Variants in MED13 observed in about 807,000 individuals in gnomAD.
MED13 encodes mediator complex subunit 13, also known as mediator of RNA polymerase II transcription subunit 13.
Under a neutral mutation model 225.2 loss-of-function variants are expected in MED13, and 23 were observed. That is an observed-to-expected ratio of 0.10 (90% CI 0.07 to 0.14). The LOEUF is 0.14. MED13 is among the 10% of genes least tolerant of loss of function. The pLI is 1.00. For synonymous variants in MED13, 942 were observed against 889.2 expected (o/e 1.06, Z -1.06); for missense variants, 2,197 against 2,594.5 (o/e 0.85, Z 3.33).
At chr17:62,021,444 G>A (rs1313212844) in intron 8 of MED13, among the ~76,000 whole-genome samples, 2 of 143,214 alleles carry the variant, frequency 1.4e-5, no homozygotes, top group Non-Finnish European at 3.1e-5. Context: ...CCTCCCGGAC[G>A]GGGCGGCTGG....
At chr17:61,951,881 A>G (rs1393893145) in intron 27 of MED13, among the ~76,000 whole-genome samples, 1 of 152,104 alleles carries the variant, frequency 6.6e-6, no homozygotes, top group Admixed American at 6.6e-5. Flanking sequence ...CAATAATCAA[A>G]TCACCAGTAT....
intron 8 of MED13, among the ~76,000 whole-genome samples, chr17:62,014,488 TG>T (rs2080543987): frequency 6.6e-6 from 1 of 152,012 alleles, no homozygotes; most frequent in Non-Finnish European, 1.5e-5. Flanking sequence ...GGCTGATTTT[TG>T]TATTTTCAGT....
chr17:62,040,821 A>G (rs540694199), intron 3 of MED13, among the ~76,000 whole-genome samples: 1 of 152,318 alleles, frequency 6.6e-6, no homozygotes, highest in East Asian at 1.9e-4. Context: ...ATGCAAACCA[A>G]AAACACAGTA....
chr17:61,947,194 GT>G (rs375146013), intron 28 of MED13, among the ~76,000 whole-genome samples, 177 bp from the exon 29 acceptor site: 1,345 of 127,690 alleles, frequency 0.011, 7 homozygotes, highest in African/African-American at 0.026. Flanking sequence ...TTATAGAAAT[GT>G]TTTTTTTTTT....
rs768017203 is a variant in MED13 at position 62,010,902 on chromosome 17, G to C, written c.1615C>G (p.His539Asp). 3 of 1,613,928 alleles carry C rather than the reference G, an allele frequency of 1.9e-6. No individual in the cohort carries two copies. The highest frequency in any genetic ancestry group is 2.5e-6 in the Non-Finnish European group (3 of 1,179,826). The change falls in exon 9 of 30, where the codon CAC (histidine) becomes GAC (aspartate). Residue 539 changes from histidine to aspartate, a missense_variant. Physicochemically the swap from His to Asp is moderately conservative, Grantham distance 81. Transcript: ENST00000397786. ...CCTTCATCAACCACATCACAAGGGT[G>C]AGGACTAAGTGGGGGTGGTTGAGGT... ...NSPQPPPLSPHPCDVVDEGVT... is the reference protein window; with the variant it reads ...NSPQPPPLSPDPCDVVDEGVT...
chr17:62,032,405 TG>T (rs1164358714), intron 5 of MED13: 3 of 135,510 alleles, frequency 2.2e-5, no homozygotes, highest in Non-Finnish European at 4.6e-5. Flanking sequence ...GCCCGGGAGG[TG>T]GAGGTTGCAG....
intron 17 of MED13, among the ~76,000 whole-genome samples, chr17:61,969,121 C>T (rs1039833538): frequency 1.8e-4 from 27 of 152,132 alleles, no homozygotes; most frequent in African/African-American, 6.0e-4. Context: ...TTTGGGAGGC[C>T]GAGGTGGGCA....
chr17:62,062,737 T>A (rs965322810), intron 2 of MED13, among the ~76,000 whole-genome samples: 2 of 152,140 alleles, frequency 1.3e-5, no homozygotes, highest in Non-Finnish European at 2.9e-5. Context: ...TTCTAAACTA[T>A]TACACGACTT....
chr17:61,961,655 G>T lies in MED13; in HGVS notation c.5189C>A (p.Thr1730Asn), dbSNP rs1158783703. 6.2e-7 allele frequency: 1 copy of T among 1,613,958 alleles called. No individual in the cohort carries two copies. Among genetic ancestry groups the T allele is most frequent in the Non-Finnish European group, 8.5e-7 (1 of 1,180,020 alleles). ...TQCRRPLPTS[T>N]NVKTLTGFGP... ...AAAGCCAGTCAATGTTTTCACATTG[G>T]TTGATGTTGGAAGTGGCCTCCGACA... Residue 1730 changes from threonine to asparagine, a missense_variant, in exon 22 of 30, where the codon ACC (threonine) becomes AAC (asparagine). Transcript: ENST00000397786.
chr17:62,049,436 ATAAC>A (rs1432484349), intron 3 of MED13, among the ~76,000 whole-genome samples: 1 of 152,204 alleles, frequency 6.6e-6, no homozygotes, highest in East Asian at 1.9e-4. Context: ...TGTCTCTATC[ATAAC>A]TATTTAACTC....
chr17:62,016,098 C>T (rs1447192753), intron 8 of MED13, among the ~76,000 whole-genome samples: 2 of 143,774 alleles, frequency 1.4e-5, no homozygotes, highest in African/African-American at 5.2e-5. Flanking sequence ...GCCACTCACC[C>T]AGCCTGAACT....
At chr17:62,008,016 C>CAAAAAAAAAAAAAAAAAAAAAAA (rs60236710) in intron 9 of MED13, among the ~76,000 whole-genome samples, 10 of 50,504 alleles carry the variant, frequency 2.0e-4, no homozygotes, top group African/African-American at 6.8e-4. Context: ...GAGACTGTCT[C>CAAAAAAAAAAAAAAAAAAAAAAA]AAAAAAAAAA....
At chr17:61,989,535 G>T (rs2080277368) in intron 11 of MED13, among the ~76,000 whole-genome samples, 1 of 152,034 alleles carries the variant, frequency 6.6e-6, no homozygotes, top group Admixed American at 6.6e-5. Context: ...ACGGAGTTTT[G>T]CCATGTTGAC....
chr17:62,042,363 A>C (rs992911111), intron 3 of MED13, among the ~76,000 whole-genome samples: 1 of 152,098 alleles, frequency 6.6e-6, no homozygotes, highest in Non-Finnish European at 1.5e-5. Context: ...AGAAATCAAG[A>C]CCATCCTGGC....
chr17:62,015,769 C>G (rs1330057930), intron 8 of MED13, among the ~76,000 whole-genome samples: 1 of 139,428 alleles, frequency 7.2e-6, no homozygotes, highest in Non-Finnish European at 1.5e-5. Flanking sequence ...TATAGATATA[C>G]ACACACTATA....
In MED13 at chr17:62,052,272, C is replaced by T. The variant is rs2080963257; in HGVS notation, c.470+265G>A. On this transcript the variant is annotated intron_variant, in intron 3 of 29. Coordinates refer to ENST00000397786, the MANE Select transcript of MED13 (RefSeq NM_005121.3). Reference sequence around the variant, plus strand: ...AGCCTAAGTCTCTGCTTTCATCCCACATTAAGTCTATCATCACAAATCAAA... The same window carrying T: ...AGCCTAAGTCTCTGCTTTCATCCCATATTAAGTCTATCATCACAAATCAAA... Among the ~76,000 whole-genome samples the T allele has an allele frequency of 3.3e-5, 5 of 152,128 alleles. No homozygotes were observed. The South Asian group carries it at 1.0e-3, about 32-fold the overall frequency.
At chr17:61,985,952 T>C (rs549811641) in intron 12 of MED13, among the ~76,000 whole-genome samples, 28 of 152,218 alleles carry the variant, frequency 1.8e-4, no homozygotes, top group Non-Finnish European at 3.5e-4. Context: ...TAACTTTTAG[T>C]AGATTGAACA....
rs188169867 is a variant in MED13 at position 62,060,063 on chromosome 17, G to A, written c.301+3004C>T. 7.3e-4 allele frequency among the ~76,000 whole-genome samples: 110 copies of A among 151,664 alleles called. 1 individual carries two copies. The highest frequency in any genetic ancestry group is 2.0e-4 in the East Asian group (1 of 5,108). On this transcript the variant is annotated intron_variant, in intron 2 of 29. Transcript: ENST00000397786. ...TCCTAGCACTTTGGGAGGCCGAGGC[G>A]GGTGGACTGTCTGCGCTCAGGAGTT...
chr17:62,021,446 G>A (rs1166292398), intron 8 of MED13, among the ~76,000 whole-genome samples: 1 of 151,344 alleles, frequency 6.6e-6, no homozygotes, highest in Non-Finnish European at 1.5e-5. Context: ...TCCCGGACGG[G>A]GCGGCTGGCC....
Sources: allele counts gnomAD v4.1 joint callset (sites outside exome capture counted in the v4.1 genomes callset), GRCh38; gene constraint gnomAD v4.1.1; transcripts MANE v1.5; gene names NCBI Gene and HGNC (gene_info 2026-07-23, HGNC 2026-07-21).